CNTN4: variants seen among roughly 807,000 people sequenced by gnomAD.
CNTN4 encodes contactin 4, also known as contactin-4.
Under a neutral mutation model 122.5 loss-of-function variants are expected in CNTN4, and 77 were observed. The observed-to-expected ratio is 0.63, with a 90% CI of 0.52 to 0.76. The LOEUF is 0.76. Among genes scored for constraint, CNTN4 ranks in the 30% least tolerant of loss-of-function variants. The pLI, the probability that CNTN4 is intolerant of heterozygous loss-of-function variation, is 0.00. For synonymous variants in CNTN4, 512 were observed against 447.0 expected (o/e 1.15, Z -1.83); for missense variants, 1,256 against 1,259.1 (o/e 1.00, Z 0.04).
intron 5 of CNTN4, among the ~76,000 whole-genome samples, chr3:2,744,089 A>G (rs533989428): frequency 3.9e-5 from 6 of 152,334 alleles, no homozygotes; most frequent in African/African-American, 1.4e-4. Context: ...TGCCGAGATT[A>G]CAGGCGTGAG....
chr3:2,128,229 G>A (rs1349809357), intron 2 of CNTN4, among the ~76,000 whole-genome samples: 1 of 152,136 alleles, frequency 6.6e-6, no homozygotes, highest in Non-Finnish European at 1.5e-5. Flanking sequence ...GCAACCCTGA[G>A]CCAATCAGTC....
intron 4 of CNTN4, among the ~76,000 whole-genome samples, chr3:2,636,328 T>C (rs908399965): frequency 3.9e-5 from 6 of 152,214 alleles, no homozygotes; most frequent in African/African-American, 1.4e-4. Flanking sequence ...GGCCCCTCTG[T>C]TACTATTGAG....
chr3:2,575,618 C>T (rs1273665355), intron 4 of CNTN4, among the ~76,000 whole-genome samples: 1 of 152,046 alleles, frequency 6.6e-6, no homozygotes, highest in Non-Finnish European at 1.5e-5. Flanking sequence ...GTCCCCAGGA[C>T]CCACCGTCTA....
At chr3:2,616,768 G>A (rs749928214) in intron 4 of CNTN4, among the ~76,000 whole-genome samples, 2 of 152,162 alleles carry the variant, frequency 1.3e-5, no homozygotes, top group Non-Finnish European at 2.9e-5. Flanking sequence ...AACGAAAACA[G>A]CATGGTACTG....
Position 2,098,997 on chromosome 3 carries a change from G to C in CNTN4, c.-227+19G>C, listed in dbSNP as rs1186708260. On this transcript the variant is annotated intron_variant, in intron 1 of 24. Transcript: ENST00000418658. The stretch of plus-strand genomic sequence containing the variant: ...TGCTGAGGTAAGTGAGGCGGCAGCT[G>C]TGCGGGTCCGGCTCCTGCGTGGGCG... 6.6e-6 allele frequency: 1 copy of C among 152,406 alleles called. No individual in the cohort carries two copies. The highest frequency in any genetic ancestry group is 2.1e-4 in the South Asian group (1 of 4,838). The allele number at this position is 152,406 out of a possible 1,614,324, so 9.4% of individuals were successfully genotyped here. A position where few individuals can be genotyped will look rare whatever the true frequency, so the allele number is the denominator to read the frequency against.
At chr3:2,909,774 T>C (rs1391486034) in intron 12 of CNTN4, among the ~76,000 whole-genome samples, 1 of 152,190 alleles carries the variant, frequency 6.6e-6, no homozygotes, top group African/African-American at 2.4e-5. Flanking sequence ...AATACACAGA[T>C]TGCTGAACTC....
chr3:2,514,946 C>T (rs367802649), intron 3 of CNTN4, among the ~76,000 whole-genome samples: 1 of 151,824 alleles, frequency 6.6e-6, no homozygotes, highest in Non-Finnish European at 1.5e-5. Flanking sequence ...CCCTCCCTCT[C>T]TCTCTTTCTA....
chr3:2,779,733 A>G (rs1370481044), intron 6 of CNTN4, among the ~76,000 whole-genome samples: 2 of 152,198 alleles, frequency 1.3e-5, no homozygotes, highest in African/African-American at 4.8e-5. Flanking sequence ...GGCAATAAAC[A>G]GGATAATGTA....
intron 2 of CNTN4, among the ~76,000 whole-genome samples, chr3:2,284,173 A>G (rs1379784876): frequency 6.6e-6 from 1 of 152,172 alleles, no homozygotes; most frequent in Non-Finnish European, 1.5e-5. Context: ...AAGAAAGTGA[A>G]GAAATGGTTG....
At chr3:2,735,413 G>A (rs150853655) in intron 4 of CNTN4, among the ~76,000 whole-genome samples, 10 of 152,296 alleles carry the variant, frequency 6.6e-5, no homozygotes, top group East Asian at 1.9e-4. Context: ...TTACTGCTCC[G>A]TGACAAAATA....
chr3:2,468,936 T>C (rs765598661), intron 3 of CNTN4, among the ~76,000 whole-genome samples: 11 of 152,190 alleles, frequency 7.2e-5, no homozygotes, highest in Non-Finnish European at 5.9e-5. Flanking sequence ...TTGTAGCTCA[T>C]TGGTCATTCC....
chr3:2,631,233 C>G (rs1366222387), intron 4 of CNTN4, among the ~76,000 whole-genome samples: 1 of 152,112 alleles, frequency 6.6e-6, no homozygotes, highest in East Asian at 1.9e-4. Context: ...AGGTTAAAAT[C>G]CATATAGTAT....
At chr3:2,257,485 C>T (rs1172840879) in intron 2 of CNTN4, among the ~76,000 whole-genome samples, 3 of 152,146 alleles carry the variant, frequency 2.0e-5, no homozygotes, top group African/African-American at 4.8e-5. Context: ...AAGAAACTAT[C>T]ATCAGAGTGA....
At chr3:2,477,900 G>C (rs531833524) in intron 3 of CNTN4, among the ~76,000 whole-genome samples, 1 of 152,128 alleles carries the variant, frequency 6.6e-6, no homozygotes. Flanking sequence ...TTAATAAAAG[G>C]CTATTAGTAG....
intron 3 of CNTN4, among the ~76,000 whole-genome samples, chr3:2,459,374 G>A (rs780439669): frequency 3.1e-4 from 47 of 151,932 alleles, no homozygotes; most frequent in Non-Finnish European, 5.9e-4. Context: ...CAGTAAAAAC[G>A]AACTTGAAAA....
chr3:2,343,623 G>C (rs1375742898), intron 3 of CNTN4, among the ~76,000 whole-genome samples: 1 of 152,168 alleles, frequency 6.6e-6, no homozygotes, highest in African/African-American at 2.4e-5. Flanking sequence ...ACTATGTGGA[G>C]TACACTTTCA....
intron 6 of CNTN4, among the ~76,000 whole-genome samples, chr3:2,762,941 T>A (rs1204934594): frequency 1.9e-5 from 1 of 51,576 alleles, no homozygotes; most frequent in African/African-American, 4.7e-5. Flanking sequence ...GTCAAGCTTT[T>A]TTTTTTTTTT....
chr3:2,618,304 T>G (rs948901280), intron 4 of CNTN4, among the ~76,000 whole-genome samples: 2 of 152,184 alleles, frequency 1.3e-5, no homozygotes, highest in African/African-American at 4.8e-5. Flanking sequence ...TATGTGTGTA[T>G]GTATGTATAA....
At chr3:2,517,935 C>A (rs1041441707) in intron 3 of CNTN4, among the ~76,000 whole-genome samples, 1 of 152,146 alleles carries the variant, frequency 6.6e-6, no homozygotes, top group Non-Finnish European at 1.5e-5. Flanking sequence ...CTACTCCCAT[C>A]CAGCTGTCTG....
Sources: gnomAD v4.1 joint callset for allele counts (sites outside exome capture counted in the v4.1 genomes callset) on GRCh38, gnomAD v4.1.1 for gene constraint, MANE v1.5 for transcripts, NCBI Gene and HGNC (gene_info 2026-07-23, HGNC 2026-07-21) for gene names.